Variants in DENND2D observed in about 807,000 individuals in gnomAD.
DENND2D encodes DENN domain containing 2D, also known as DENN domain-containing protein 2D.
Under a neutral mutation model 59.8 loss-of-function variants are expected in DENND2D, and 37 were observed. That is an observed-to-expected ratio of 0.62 (90% CI 0.48 to 0.81). DENND2D has a LOEUF of 0.81. Among genes scored for constraint, DENND2D ranks in the 40% least tolerant of loss-of-function variants. The probability of loss-of-function intolerance (pLI) is 0.00; values close to 1 mark genes in which losing one functional copy is unlikely to be tolerated. For missense variants in DENND2D, 525 were observed against 579.7 expected, an observed-to-expected ratio of 0.91 and a Z score of 0.97; for synonymous variants, 219 against 211.3, an observed-to-expected ratio of 1.04 and a Z score of -0.31.
Position 111,198,761 on chromosome 1 carries a change from G to A in DENND2D, c.244-19C>T. 1 of 1,613,528 alleles carries A rather than the reference G, an allele frequency of 6.2e-7. No individual in the cohort carries two copies. The highest frequency in any genetic ancestry group is 8.5e-7 in the Non-Finnish European group (1 of 1,179,618). ...TCTCCCGCTATAAGGCAAAGGAAAA[G>A]ACAAGTGGATGTGAAGCTGGGGGCA... On this transcript the variant is annotated intron_variant, in intron 2 of 11. Coordinates refer to ENST00000357640, the MANE Select transcript of DENND2D (RefSeq NM_024901.5).
chr1:111,202,750 TG>T (rs1658935873), upstream of DENND2D, among the ~76,000 whole-genome samples: 1 of 148,410 alleles, frequency 6.7e-6, no homozygotes, highest in Non-Finnish European at 1.5e-5. Flanking sequence ...ACAACTGTCC[TG>T]GGGCCAGAAA....
rs147941434 is a variant in DENND2D at position 111,187,717 on chromosome 1, T to C, written c.1340-36A>G. The C allele has an allele frequency of 7.3e-4, 1,101 of 1,517,972 alleles. 12 individuals carry two copies. In the East Asian group the frequency reaches 0.013, roughly 18 times the overall value. 94.0% of individuals were successfully genotyped at this position (1,517,972 alleles called of 1,614,324 possible). On this transcript the variant is annotated intron_variant, in intron 11 of 11. Transcript: ENST00000357640. ...AAATACAGGTGTTAGAGGCATCTGATCTGGTCAGGCAGATTATAATGAGCT... is the reference window on the plus strand; with the variant it reads ...AAATACAGGTGTTAGAGGCATCTGACCTGGTCAGGCAGATTATAATGAGCT...
At position 111,198,631 on chromosome 1, in the gene DENND2D, T is replaced by C. The variant is rs1320157808; in HGVS notation, c.355A>G (p.Arg119Gly). 5.6e-6 allele frequency: 9 copies of C among 1,614,020 alleles called. No homozygotes were observed. The highest frequency in any genetic ancestry group is 6.8e-6 in the Non-Finnish European group (8 of 1,179,966). The part of the protein sequence containing the change: ...NEWASLTEYP[R>G]ETFSFVLTNV... ...CCTTGCCCAGGGCTGAGCAATTACC[T>C]GGGATACTCGGTGAGTGATGCCCAC... The change falls in exon 3 of 12, where the codon AGG becomes GGG. Residue 119 changes from arginine (R) to glycine (G), a missense_variant and splice_region_variant. By Grantham distance (125) the Arg-to-Gly change is moderately radical. Coordinates refer to ENST00000357640, the MANE Select transcript of DENND2D (RefSeq NM_024901.5).
At chr1:111,203,928 A>G (rs1033859687), upstream of DENND2D, among the ~76,000 whole-genome samples, 1 of 151,956 alleles carries the variant, frequency 6.6e-6, no homozygotes, top group Admixed American at 6.5e-5. Flanking sequence ...GCACGCCGGG[A>G]GCTGAGGCAG....
Position 111,187,741 on chromosome 1 carries a change from C to T in DENND2D, c.1340-60G>A, listed in dbSNP as rs534379767. On this transcript the variant is annotated intron_variant, in intron 11 of 11. Transcript: ENST00000357640. ...ATCTGGTCAGGCAGATTATAATGAG[C>T]TCAGGAATAAGGATCAGAAATATCC... The T allele has an allele frequency of 4.5e-5, 60 of 1,339,492 alleles. No individual in the cohort carries two copies. The South Asian group carries it at 6.7e-4, about 15-fold the overall frequency. 83.0% of individuals were successfully genotyped at this position (1,339,492 alleles called of 1,614,324 possible). A position where few individuals can be genotyped will look rare whatever the true frequency, so the allele number is the denominator to read the frequency against.
upstream of DENND2D, chr1:111,204,283 G>A: frequency 1.4e-6 from 2 of 1,471,648 alleles, no homozygotes; most frequent in Non-Finnish European, 1.8e-6. Context: ...CGCTCTCCCC[G>A]GCCGGCACTA....
intron 2 of DENND2D, among the ~76,000 whole-genome samples, 164 bp from the exon 3 acceptor site, chr1:111,198,906 G>A (rs111385340): frequency 3.3e-5 from 5 of 152,338 alleles, no homozygotes; most frequent in South Asian, 2.1e-4. Flanking sequence ...ACTCTGCACA[G>A]TTTGCATTCT....
intron 2 of DENND2D, among the ~76,000 whole-genome samples, chr1:111,199,382 A>G (rs1236458738): frequency 1.3e-5 from 2 of 152,182 alleles, no homozygotes; most frequent in African/African-American, 4.8e-5. Context: ...TGTCTAGCCT[A>G]GTTTCCCTGC....
At chr1:111,202,274 T>G (rs1052341521), upstream of DENND2D, 1 of 152,116 alleles carries the variant, frequency 6.6e-6, no homozygotes, top group Non-Finnish European at 1.5e-5. Flanking sequence ...TAATAAATCA[T>G]TGACAAAAGA....
chr1:111,191,874 G>A lies in DENND2D; in HGVS notation c.972+266C>T, dbSNP rs959716871. 6.6e-6 allele frequency among the ~76,000 whole-genome samples: 1 copy of A among 152,198 alleles called. No individual in the cohort carries two copies. The highest frequency in any genetic ancestry group is 2.4e-5 in the African/African-American group (1 of 41,448). ...GAATAAGCTATCCACTGCCCCTTAT[G>A]CCTAAAGGGGAATCCTTCAGAAGGG... On this transcript the variant is annotated intron_variant, in intron 8 of 11. Coordinates refer to ENST00000357640, the MANE Select transcript of DENND2D (RefSeq NM_024901.5).
chr1:111,198,854 G>A (rs967223368), intron 2 of DENND2D, 112 bp from the exon 3 acceptor site: 1 of 1,038,472 alleles, frequency 9.6e-7, no homozygotes, highest in Non-Finnish European at 1.4e-6. Flanking sequence ...CTAGGGTTAA[G>A]CTTCTCCACT....
chr1:111,194,601 G>T lies in DENND2D; in HGVS notation c.771C>A (p.Ile257=), dbSNP rs765873977. Reference sequence around the variant, plus strand: ...ACCTGAGACCTTCCGCCAGGAAGATGATTTTTCTCTCCAGCACGGCAGAGG... The same window carrying T: ...ACCTGAGACCTTCCGCCAGGAAGATTATTTTTCTCTCCAGCACGGCAGAGG... ...IFASAVLERK[I]IFLAEGLSTL... The change falls in exon 7 of 12, where the codon ATC becomes ATA. Residue 257 remains isoleucine, a synonymous_variant. Transcript: ENST00000357640. 1.4e-5 allele frequency: 22 copies of T among 1,614,086 alleles called. No homozygotes were observed. In the Admixed American group the frequency reaches 3.5e-4, roughly 26 times the overall value.
In DENND2D at chr1:111,198,341, T is replaced by G. The variant is rs146398122; in HGVS notation, c.356+289A>C. ...CTACGTCGCCTTCTTGGAGGCTAAC[T>G]GCTTTCTGCTAAGTCCAGCTTGGGC... On this transcript the variant is annotated intron_variant, in intron 3 of 11. Transcript: ENST00000357640. Among the ~76,000 whole-genome samples, 580 of 152,314 alleles carry G rather than the reference T, an allele frequency of 3.8e-3. 5 individuals are homozygous for G. Among genetic ancestry groups the G allele is most frequent in the African/African-American group, 0.014 (569 of 41,568 alleles).
intron 8 of DENND2D, among the ~76,000 whole-genome samples, chr1:111,191,042 G>T (rs190665478): frequency 6.6e-6 from 1 of 152,320 alleles, no homozygotes; most frequent in Admixed American, 6.5e-5. Context: ...CAGGAGAGGA[G>T]CCACGGCTTC....
rs377337878 is a variant in DENND2D, at chr1:111,195,961, C to T, written c.600G>A (p.Gly200=). 6 of 1,613,968 alleles carry T rather than the reference C, an allele frequency of 3.7e-6. No individual in the cohort carries two copies. In the African/African-American group the frequency reaches 5.3e-5, roughly 14 times the overall value. ...TGAAGCTCTTGAGAGTGACAGTCTTCCCAGGAGCAGGGAAGGCTGCCTCTC... is the reference window on the plus strand; with the variant it reads ...TGAAGCTCTTGAGAGTGACAGTCTTTCCAGGAGCAGGGAAGGCTGCCTCTC... ...GLREAAFPAP[G]KTVTLKSFIP... is the part of the protein sequence containing the mutation. The change falls in exon 6 of 12, where the codon GGG becomes GGA. Residue 200 remains glycine, a synonymous_variant. Coordinates refer to ENST00000357640, the MANE Select transcript of DENND2D (RefSeq NM_024901.5).
Position 111,189,245 on chromosome 1 carries a change from C to T in DENND2D, c.981G>A (p.Leu327=). 6.2e-7 allele frequency: 1 copy of T among 1,614,172 alleles called. No individual in the cohort carries two copies. Among genetic ancestry groups the T allele is most frequent in the South Asian group, 1.1e-5 (1 of 91,072 alleles). The change falls in exon 9 of 12, where the codon CTG becomes CTA. Residue 327 remains leucine (L), a synonymous_variant. Coordinates refer to ENST00000357640, the MANE Select transcript of DENND2D (RefSeq NM_024901.5). ...VMDSPMEEVL[L]VNLCEGTFLM... is the part of the protein sequence containing the mutation. The stretch of plus-strand genomic sequence containing the variant: ...AGAAGGTTCCTTCACAAAGATTGAC[C>T]AGCAGGACCTGAAATAAACATAGAC...
At chr1:111,195,038 C>G (rs1658098662) in intron 6 of DENND2D, 1 of 353,840 alleles carries the variant, frequency 2.8e-6, no homozygotes, top group East Asian at 5.1e-5. Context: ...GAGGGCCCTC[C>G]TCCTGCACTG....
At chr1:111,204,065 C>A, upstream of DENND2D, 3 of 379,424 alleles carry the variant, frequency 7.9e-6, 1 homozygote, top group Non-Finnish European at 4.6e-6. Flanking sequence ...GCCGCCTCCC[C>A]CTCGCCCCCT....
chr1:111,200,779 T>C, upstream of DENND2D: 2 of 1,149,882 alleles, frequency 1.7e-6, no homozygotes, highest in Non-Finnish European at 2.2e-6. Context: ...CACCTCTGGC[T>C]GAAAGTAGCC....
Sources: gnomAD v4.1 joint callset for allele counts (sites outside exome capture counted in the v4.1 genomes callset) on GRCh38, gnomAD v4.1.1 for gene constraint, MANE v1.5 for transcripts, NCBI Gene and HGNC (gene_info 2026-07-23, HGNC 2026-07-21) for gene names.